SLC6A8: variants seen among roughly 807,000 people sequenced by gnomAD.
The protein encoded by SLC6A8 is solute carrier family 6 member 8.
Under a neutral mutation model 48.3 loss-of-function variants are expected in SLC6A8, and 6 were observed. The ratio of observed to expected loss-of-function variants is 0.12; its 90% CI spans 0.07 to 0.25. The LOEUF (loss-of-function observed/expected upper bound fraction) is 0.25, where lower values mean the gene tolerates loss of function less well. SLC6A8 is among the 10% of genes least tolerant of loss of function. SLC6A8 has a pLI of 1.00. For synonymous variants in SLC6A8, 245 were observed against 244.0 expected (o/e 1.00, Z -0.04); for missense variants, 260 against 551.5 (o/e 0.47, Z 5.29).
rs782807678 is a variant in SLC6A8 at position 153,688,895 on chromosome X, C to T, written c.262+59C>T. 6.0e-5 allele frequency: 47 copies of T among 778,373 alleles called. No homozygotes were observed. In the Admixed American group the frequency reaches 9.5e-4, roughly 16 times the overall value. 64.1% of individuals were successfully genotyped at this position (778,373 alleles called of 1,213,427 possible). ...CAGCAGGCCGCCGGCCCCCGCCCGA[C>T]CCCCGGAGCCGCCGCGGAGGGGTGA... On this transcript the variant is annotated intron_variant, in intron 1 of 12. Coordinates refer to ENST00000253122, the MANE Select transcript of SLC6A8 (RefSeq NM_005629.4).
Position 153,694,150 on chromosome X carries a change from C to T in SLC6A8, c.1275C>T (p.Phe425=). 2 of 1,210,738 alleles carry T rather than the reference C, an allele frequency of 1.7e-6. No individual in the cohort carries two copies. The highest frequency in any genetic ancestry group is 2.2e-6 in the Non-Finnish European group (2 of 894,723). The change falls in exon 9 of 13, where the codon TTC becomes TTT. Residue 425 remains phenylalanine, a synonymous_variant. Transcript: ENST00000253122. ...CACAGTTTGTAGGTGTGGAGGGCTT[C>T]ATCACCGGCCTCCTCGACCTCCTCC... ...LDSQFVGVEG[F]ITGLLDLLPA... is the part of the protein sequence containing the mutation.
At chrX:153,690,902 C>CT (rs797031865) in intron 2 of SLC6A8, 6 of 236,973 alleles carry the variant, frequency 2.5e-5, no homozygotes, top group Admixed American at 5.8e-5. Flanking sequence ...ACCCCCCCCC[C>CT]CCACCACCAC....
rs782481342 is a variant in SLC6A8, at chrX:153,694,644, G to C, written c.1596+11G>C. On this transcript the variant is annotated intron_variant, in intron 11 of 12. Coordinates refer to ENST00000253122, the MANE Select transcript of SLC6A8 (RefSeq NM_005629.4). The stretch of plus-strand genomic sequence containing the variant: ...CCGCTGGTCTGCATGGTAAGGGCTG[G>C]GGGAGGTGGGGCAGGGCGGGGGGCG... 10 of 1,197,325 alleles carry C rather than the reference G, an allele frequency of 8.4e-6. No homozygotes were observed. Among genetic ancestry groups the C allele is most frequent in the Middle Eastern group, 2.9e-4 (1 of 3,400 alleles).
At chrX:153,694,057 C>T (rs372219008) in intron 8 of SLC6A8, 40 bp downstream of exon 8, 25 of 1,002,701 alleles carry the variant, frequency 2.5e-5, no homozygotes, top group Non-Finnish European at 2.6e-5. Flanking sequence ...AGGAGGGGGG[C>T]GGAGGGAGGG....
chrX:153,695,645 A>G lies in SLC6A8; in HGVS notation c.*431A>G, dbSNP rs1364512029. On this transcript the variant is annotated 3_prime_UTR_variant, in exon 13 of 13. Coordinates refer to ENST00000253122, the MANE Select transcript of SLC6A8 (RefSeq NM_005629.4). ...GAAGGAGGGAGAGACGGGAGGGAGG[A>G]GAGAGAGGAGAAGGGAGGCAGGGGA... 1 of 183,788 alleles carries G rather than the reference A, an allele frequency of 5.4e-6. No homozygotes were observed. The highest frequency in any genetic ancestry group is 1.0e-4 in the South Asian group (1 of 10,021). The allele number at this position is 183,788 out of a possible 1,213,427, so 15.1% of individuals were successfully genotyped here.
chrX:153,688,754 C>T lies in SLC6A8; in HGVS notation c.180C>T (p.Asp60=), dbSNP rs781939862. 5.3e-6 allele frequency: 6 copies of T among 1,137,394 alleles called. No individual in the cohort carries two copies. The African/African-American group carries it at 9.5e-5, about 18-fold the overall frequency. 93.7% of individuals were successfully genotyped at this position (1,137,394 alleles called of 1,213,427 possible). The change falls in exon 1 of 13, where the codon GAC becomes GAT. Residue 60 remains aspartate (D), a synonymous_variant. Transcript: ENST00000253122. ...GCGAGACCTGGACGCGCCAGATGGA[C>T]TTCATCATGTCGTGCGTGGGCTTCG... is the stretch of plus-strand genomic sequence containing the variant. The part of the protein sequence containing the change: ...PPRETWTRQM[D]FIMSCVGFAV...
intron 4 of SLC6A8, 142 bp from the exon 5 acceptor site, chrX:153,692,899 A>C: frequency 2.4e-6 from 2 of 817,153 alleles, no homozygotes; most frequent in Non-Finnish European, 3.6e-6. Flanking sequence ...CCTTGCCCCT[A>C]GCTTCCTCTG....
Position 153,694,547 on chromosome X carries a change from A to C in SLC6A8, c.1510A>C (p.Met504Leu), listed in dbSNP as rs782214069. The change falls in exon 11 of 13, where the codon ATG becomes CTG. Residue 504 changes from methionine (M) to leucine (L), a missense_variant. Around this residue, in one of 7 missense-constraint regions of SLC6A8, gnomAD observed 87 missense variants for 120.9 expected, o/e 0.72. Coordinates refer to ENST00000253122, the MANE Select transcript of SLC6A8 (RefSeq NM_005629.4). Reference sequence around the variant, plus strand: ...CCTCGCCGCAGGAGCTGACCGCTTCATGGACGACATTGCCTGTATGATCGG... The same window carrying C: ...CCTCGCCGCAGGAGCTGACCGCTTCCTGGACGACATTGCCTGTATGATCGG... ...VAWVYGADRF[M>L]DDIACMIGYR... is the part of the protein sequence containing the mutation. 8.3e-7 allele frequency: 1 copy of C among 1,208,301 alleles called. No homozygotes were observed. Among genetic ancestry groups the C allele is most frequent in the Non-Finnish European group, 1.1e-6 (1 of 893,605 alleles).
Position 153,696,442 on chromosome X carries a change from G to A in SLC6A8, c.*1228G>A, listed in dbSNP as rs782812004. 78 of 330,533 alleles carry A rather than the reference G, an allele frequency of 2.4e-4. No homozygotes were observed. Among genetic ancestry groups the A allele is most frequent in the African/African-American group, 1.5e-3 (57 of 38,059 alleles). The allele number at this position is 330,533 out of a possible 1,213,427, so 27.2% of individuals were successfully genotyped here. ...TGTCTGTCACGTCCAGTCCCGAGAC[G>A]GCTGAGTGACCCCAAGAAAGGCTTC... On this transcript the variant is annotated 3_prime_UTR_variant, in exon 13 of 13. Coordinates refer to ENST00000253122, the MANE Select transcript of SLC6A8 (RefSeq NM_005629.4).
At position 153,695,277 on chromosome X, in the gene SLC6A8, C is replaced by G. The variant is rs1447948440; in HGVS notation, c.*63C>G. 9.1e-7 allele frequency: 1 copy of G among 1,102,130 alleles called. No individual in the cohort carries two copies. The highest frequency in any genetic ancestry group is 1.8e-5 in the African/African-American group (1 of 54,658). 90.8% of individuals were successfully genotyped at this position (1,102,130 alleles called of 1,213,427 possible). On this transcript the variant is annotated 3_prime_UTR_variant, in exon 13 of 13. Coordinates refer to ENST00000253122, the MANE Select transcript of SLC6A8 (RefSeq NM_005629.4). The stretch of plus-strand genomic sequence containing the variant: ...ATAGCAGCCCCTGCTTCAGCCCCAC[C>G]GCACCCCTCCAGGGGGCCTGCCTTT...
At chrX:153,690,189 G>GC (rs1156426494) in intron 1 of SLC6A8, among the ~76,000 whole-genome samples, 186 bp from the exon 2 acceptor site, 1 of 112,649 alleles carries the variant, frequency 8.9e-6, no homozygotes, top group Non-Finnish European at 1.9e-5. Flanking sequence ...GGCTACTGTA[G>GC]CCCCTCTTCA....
At position 153,694,682 on chromosome X, in the gene SLC6A8, G is replaced by C. The variant is rs1426522254; in HGVS notation, c.1597-37G>C. 8 of 1,204,882 alleles carry C rather than the reference G, an allele frequency of 6.6e-6. No homozygotes were observed. In the African/African-American group the frequency reaches 1.2e-4, roughly 18 times the overall value. On this transcript the variant is annotated intron_variant, in intron 11 of 12. Transcript: ENST00000253122. ...AGGGCGGGGGGCGAGGCAGGGCGGG[G>C]TAGGGGCCCCATTAACCGCAGCATT...
At position 153,696,197 on chromosome X, in the gene SLC6A8, GGCTGTCCCCAC is replaced by G. The variant is rs782650644; in HGVS notation, c.*992_*1002del. 2.1e-3 allele frequency: 540 copies of G among 256,891 alleles called. 2 individuals carry two copies. Among genetic ancestry groups the G allele is most frequent in the South Asian group, 0.011 (296 of 27,118 alleles). The allele number at this position is 256,891 out of a possible 1,213,427, so 21.2% of individuals were successfully genotyped here. On this transcript the variant is annotated 3_prime_UTR_variant, in exon 13 of 13. Coordinates refer to ENST00000253122, the MANE Select transcript of SLC6A8 (RefSeq NM_005629.4). ...GAAAAGTGCATGGTGGGGGCCTCGG[GGCTGTCCCCAC>G]GCTGTCCCTTTGCCACAAGTCTGTG...
In SLC6A8 at chrX:153,693,558, C is replaced by T. The variant is rs1411836045; in HGVS notation, c.1113C>T (p.Gly371=). ...TGGGCTTCATGGCTGCAGAGCAGGG[C>T]GTGCACATCTCCAAGGTGGCAGAGT... ...SILGFMAAEQ[G]VHISKVAESG... The change falls in exon 7 of 13, where the codon GGC becomes GGT. Residue 371 remains glycine (G), a synonymous_variant. Coordinates refer to ENST00000253122, the MANE Select transcript of SLC6A8 (RefSeq NM_005629.4). The T allele has an allele frequency of 4.1e-5, 50 of 1,209,348 alleles. No homozygotes were observed. Among genetic ancestry groups the T allele is most frequent in the African/African-American group, 1.0e-4 (6 of 57,289 alleles).
rs782727524 is a variant in SLC6A8, at chrX:153,692,972, G to A, written c.778-69G>A. 1.3e-4 allele frequency: 156 copies of A among 1,174,180 alleles called. 1 individual carries two copies. In the Middle Eastern group the frequency reaches 1.6e-3, roughly 12 times the overall value. ...AACATACCTGCCCGCAAGGGGGACCGGAGGCGCTGGGAGTGGGGGTGTGAG... is the reference window on the plus strand; with the variant it reads ...AACATACCTGCCCGCAAGGGGGACCAGAGGCGCTGGGAGTGGGGGTGTGAG... On this transcript the variant is annotated intron_variant, in intron 4 of 12. Transcript: ENST00000253122.
chrX:153,688,905 C>T (rs2091438804), intron 1 of SLC6A8, 69 bp downstream of exon 1: 1 of 709,811 alleles, frequency 1.4e-6, no homozygotes, highest in Non-Finnish European at 1.9e-6. Context: ...CCCCCGGAGC[C>T]GCCGCGGAGG....
chrX:153,691,249 G>T (rs1557044392), intron 2 of SLC6A8, 55 bp from the exon 3 acceptor site: 83 of 1,153,195 alleles, frequency 7.2e-5, no homozygotes, highest in Non-Finnish European at 9.5e-5. Context: ...ATAAAGGGGT[G>T]GCAGGGGGAG....
At chrX:153,689,563 C>G (rs1424422517) in intron 1 of SLC6A8, 4 of 752,397 alleles carry the variant, frequency 5.3e-6, no homozygotes, top group Non-Finnish European at 6.3e-6. Context: ...AGGCCTTTGC[C>G]CAAGGTCAGG....
Position 153,693,504 on chromosome X carries a change from C to A in SLC6A8, c.1059C>A (p.Phe353Leu). ...ILALINSGTS[F>L]FAGFVVFSIL... ...CTCTCATCAACAGTGGGACCAGCTTCTTTGCTGGCTTCGTGGTCTTCTCCA... is the reference window on the plus strand; with the variant it reads ...CTCTCATCAACAGTGGGACCAGCTTATTTGCTGGCTTCGTGGTCTTCTCCA... Residue 353 changes from phenylalanine to leucine, a missense_variant, in exon 7 of 13, where the codon TTC becomes TTA. Physicochemically the swap from Phe to Leu is conservative, Grantham distance 22. This residue lies in a region of SLC6A8 where 75 missense variants were observed against 248.8 expected (regional missense o/e 0.30). Transcript: ENST00000253122. 1 of 1,210,052 alleles carries A rather than the reference C, an allele frequency of 8.3e-7. No homozygotes were observed. Among genetic ancestry groups the A allele is most frequent in the Non-Finnish European group, 1.1e-6 (1 of 893,871 alleles).
Sources: gnomAD v4.1 joint callset for allele counts (sites outside exome capture counted in the v4.1 genomes callset) on GRCh38, gnomAD v4.1.1 for gene constraint, gnomAD v4.1.1 regional missense constraint, MANE v1.5 for transcripts, NCBI Gene and HGNC (gene_info 2026-07-23, HGNC 2026-07-21) for gene names.